NOVA1: variants seen among roughly 807,000 people sequenced by gnomAD.
NOVA1 encodes the protein RNA-binding protein Nova-1.
NOVA1 carries 7 observed loss-of-function variants against 38.0 expected under a neutral mutation model. The observed-to-expected ratio is 0.18, with a 90% CI of 0.10 to 0.35. The LOEUF (loss-of-function observed/expected upper bound fraction) is 0.35. Ranked by LOEUF, NOVA1 falls within the 10% of genes least tolerant of loss-of-function variation. NOVA1 has a pLI of 1.00. For synonymous variants in NOVA1, 270 were observed against 232.5 expected (o/e 1.16, Z -1.47); for missense variants, 460 against 616.0 (o/e 0.75, Z 2.68).
At chr14:26,586,908 G>GTTT (rs558343568) in intron 2 of NOVA1, among the ~76,000 whole-genome samples, 1 of 132,580 alleles carries the variant, frequency 7.5e-6, no homozygotes, top group African/African-American at 2.7e-5. Context: ...CATCATCTCA[G>GTTT]TTTTTTTTTT....
chr14:26,457,181 CA>C (rs78647316), intron 4 of NOVA1, among the ~76,000 whole-genome samples: 27,245 of 151,702 alleles, frequency 0.18, 2,656 homozygotes, highest in East Asian at 0.33. Flanking sequence ...ATGAATCCTC[CA>C]AAAGTAGAAC....
chr14:26,523,863 G>C (rs2138515874), intron 2 of NOVA1, among the ~76,000 whole-genome samples: 1 of 149,194 alleles, frequency 6.7e-6, no homozygotes, highest in Non-Finnish European at 1.5e-5. Flanking sequence ...CCATTCTCCT[G>C]CCTCAGCCTC....
chr14:26,501,671 T>C (rs1444847877), intron 2 of NOVA1, among the ~76,000 whole-genome samples: 1 of 151,918 alleles, frequency 6.6e-6, no homozygotes, highest in Non-Finnish European at 1.5e-5. Flanking sequence ...ATCAAGGTAT[T>C]GTCCTTTTTG....
rs540920013 is a variant in NOVA1 at position 26,497,590 on chromosome 14, TTCTG to T, written c.281-17451_281-17448del. On this transcript the variant is annotated intron_variant, in intron 2 of 4. Transcript: ENST00000539517. ...TACCATACATTTCTATTCCAAAAGA[TTCTG>T]TCTATCCATCCTTTTAGAAACACCC... Among the ~76,000 whole-genome samples, 1,034 of 152,274 alleles carry T rather than the reference TTCTG, an allele frequency of 6.8e-3. 12 individuals are homozygous for T. The highest frequency in any genetic ancestry group is 0.024 in the African/African-American group (985 of 41,542).
chr14:26,461,985 T>G (rs1053379050), intron 4 of NOVA1, among the ~76,000 whole-genome samples: 4 of 151,870 alleles, frequency 2.6e-5, no homozygotes, highest in Non-Finnish European at 5.9e-5. Context: ...TAATGTAATC[T>G]GCATATAAAA....
chr14:26,508,361 T>C (rs1015156181), intron 2 of NOVA1, among the ~76,000 whole-genome samples: 1 of 152,062 alleles, frequency 6.6e-6, no homozygotes, highest in East Asian at 1.9e-4. Flanking sequence ...GTTCTTGCTT[T>C]CAGTAGCTTC....
intron 2 of NOVA1, among the ~76,000 whole-genome samples, chr14:26,482,746 G>A (rs1885569164): frequency 6.6e-6 from 1 of 152,072 alleles, no homozygotes; most frequent in Non-Finnish European, 1.5e-5. Context: ...CACTCAGGCT[G>A]GAGTGCAGTG....
chr14:26,503,635 T>C (rs910871489), intron 2 of NOVA1, among the ~76,000 whole-genome samples: 1 of 151,950 alleles, frequency 6.6e-6, no homozygotes, highest in Non-Finnish European at 1.5e-5. Context: ...TTTTTAAAAA[T>C]TAAAATTCAC....
chr14:26,501,973 G>A (rs1050503843), intron 2 of NOVA1, among the ~76,000 whole-genome samples: 4 of 151,826 alleles, frequency 2.6e-5, no homozygotes, highest in Non-Finnish European at 5.9e-5. Flanking sequence ...GTTTCAGCAA[G>A]GACTATGTAT....
At position 26,546,100 on chromosome 14, in the gene NOVA1, G is replaced by A. The variant is rs1424769820; in HGVS notation, c.280+49310C>T. Reference sequence around the variant, plus strand: ...AGTATTATATCTCCATTAATCTATTGGAAACCATTTAGAAAAAAACATTTT... The same window carrying A: ...AGTATTATATCTCCATTAATCTATTAGAAACCATTTAGAAAAAAACATTTT... On this transcript the variant is annotated intron_variant, in intron 2 of 4. Coordinates refer to ENST00000539517, the MANE Select transcript of NOVA1 (RefSeq NM_002515.3). 2.6e-5 allele frequency among the ~76,000 whole-genome samples: 4 copies of A among 151,564 alleles called. No individual in the cohort carries two copies. The East Asian group carries it at 7.7e-4, about 29-fold the overall frequency.
At position 26,448,198 on chromosome 14, in the gene NOVA1, G is replaced by A; in HGVS notation, c.1285C>T (p.Pro429Ser). Reference protein sequence around the residue: ...GSKDVVEIAVPENLVGAILGK... With the variant: ...GSKDVVEIAVSENLVGAILGK... ...AGTATTGCACCAACTAAGTTTTCTG[G>A]CACTGCTATTTCAACTACATCCTTG... The change falls in exon 5 of 5, where the codon CCA becomes TCA. Residue 429 changes from proline to serine, a missense_variant. Pro to Ser is a moderately conservative substitution (Grantham distance 74). Transcript: ENST00000539517. The surrounding 1 kb of genome is among the most constrained non-coding windows in gnomAD (Gnocchi z 5.3). The A allele has an allele frequency of 6.2e-7, 1 of 1,614,144 alleles. No homozygotes were observed. The highest frequency in any genetic ancestry group is 8.5e-7 in the Non-Finnish European group (1 of 1,180,012).
intron 3 of NOVA1, among the ~76,000 whole-genome samples, chr14:26,477,285 A>C (rs1261469269): frequency 6.6e-6 from 1 of 152,160 alleles, no homozygotes; most frequent in Non-Finnish European, 1.5e-5. Flanking sequence ...AATATTTTTG[A>C]TATCTTACTT....
In NOVA1 at chr14:26,597,585, T is replaced by C. The variant is rs913815229; in HGVS notation, c.-149A>G. On this transcript the variant is annotated 5_prime_UTR_variant, in exon 1 of 5. Coordinates refer to ENST00000539517, the MANE Select transcript of NOVA1 (RefSeq NM_002515.3). ...TTAATCGGATCAATATAAATCTCTT[T>C]AGGAAAAAAAGCAATGTTGCTGGTT... 1.6e-6 allele frequency: 2 copies of C among 1,225,972 alleles called. No individual in the cohort carries two copies. Among genetic ancestry groups the C allele is most frequent in the Non-Finnish European group, 2.0e-6 (2 of 983,856 alleles). The allele number at this position is 1,225,972 out of a possible 1,614,324, so 75.9% of individuals were successfully genotyped here. A position where few individuals can be genotyped will look rare whatever the true frequency, so the allele number is the denominator to read the frequency against.
At chr14:26,539,370 A>C (rs1890305930) in intron 2 of NOVA1, among the ~76,000 whole-genome samples, 1 of 152,236 alleles carries the variant, frequency 6.6e-6, no homozygotes, top group South Asian at 2.1e-4. Context: ...ACCAACGTTA[A>C]TATAAATACA....
intron 3 of NOVA1, among the ~76,000 whole-genome samples, chr14:26,478,813 T>C (rs183340540): frequency 4.6e-5 from 7 of 152,046 alleles, no homozygotes; most frequent in African/African-American, 1.7e-4. Context: ...AATATGAACA[T>C]TTTTGTATAG....
chr14:26,553,462 A>G (rs1352469924), intron 2 of NOVA1, among the ~76,000 whole-genome samples: 1 of 152,128 alleles, frequency 6.6e-6, no homozygotes, highest in Admixed American at 6.6e-5. Context: ...ATTAGTAAGA[A>G]GGGAAGACTG....
intron 2 of NOVA1, among the ~76,000 whole-genome samples, chr14:26,584,368 C>T (rs1893395288): frequency 6.6e-6 from 1 of 151,492 alleles, no homozygotes; most frequent in African/African-American, 2.4e-5. Context: ...ATCCATCCGC[C>T]AGACTATAAG....
At chr14:26,498,173 C>A (rs1005792513) in intron 2 of NOVA1, among the ~76,000 whole-genome samples, 1 of 152,048 alleles carries the variant, frequency 6.6e-6, no homozygotes, top group Non-Finnish European at 1.5e-5. Context: ...CTTTCTCCTG[C>A]CTCAGCCTCC....
At chr14:26,597,144 G>T in intron 1 of NOVA1, 157 bp downstream of exon 1, 2 of 1,216,486 alleles carry the variant, frequency 1.6e-6, no homozygotes, top group Non-Finnish European at 2.1e-6. Context: ...GCAGGGGAGG[G>T]GGCGCGGGGC....
Sources: allele counts gnomAD v4.1 joint callset (sites outside exome capture counted in the v4.1 genomes callset), GRCh38; gene constraint gnomAD v4.1.1; non-coding constraint Gnocchi (gnomAD v3.1); transcripts MANE v1.5; gene names NCBI Gene and HGNC (gene_info 2026-07-23, HGNC 2026-07-21).